Variants in ARMC9 observed in about 807,000 individuals in gnomAD.
The protein encoded by ARMC9 is lisH domain-containing protein ARMC9.
ARMC9 carries 94 observed loss-of-function variants against 107.0 expected under a neutral mutation model. The observed-to-expected ratio is 0.88, with a 90% CI of 0.74 to 1.04. ARMC9 has a LOEUF of 1.04. Among genes scored for constraint, ARMC9 ranks in the 50% least tolerant of loss-of-function variants. ARMC9 has a pLI of 0.00. For synonymous variants in ARMC9, 380 were observed against 396.9 expected, an observed-to-expected ratio of 0.96 and a Z score of 0.51; for missense variants, 942 against 1,030.1, an observed-to-expected ratio of 0.91 and a Z score of 1.17.
At chr2:231,324,351 C>T (rs1250104470) in intron 19 of ARMC9, among the ~76,000 whole-genome samples, 8 of 150,856 alleles carry the variant, frequency 5.3e-5, no homozygotes, top group Non-Finnish European at 1.0e-4. Context: ...TGGTCTTGAA[C>T]GCCTGACCTC....
chr2:231,290,881 A>T (rs943342803), intron 17 of ARMC9, among the ~76,000 whole-genome samples: 3 of 152,076 alleles, frequency 2.0e-5, no homozygotes, highest in Non-Finnish European at 4.4e-5. Context: ...ACAGGAAAAA[A>T]AAAACTAGCT....
At chr2:231,213,318 C>G (rs2033121139) in intron 3 of ARMC9, among the ~76,000 whole-genome samples, 1 of 151,810 alleles carries the variant, frequency 6.6e-6, no homozygotes, top group African/African-American at 2.4e-5. Flanking sequence ...CACATGTCAC[C>G]ACACCCAGCT....
At chr2:231,344,416 G>A (rs996567972) in intron 20 of ARMC9, among the ~76,000 whole-genome samples, 2 of 152,054 alleles carry the variant, frequency 1.3e-5, no homozygotes, top group African/African-American at 4.8e-5. Context: ...CTACTTACTA[G>A]TAATACTTTC....
chr2:231,376,525 C>T lies in ARMC9; in HGVS notation c.*4990C>T, dbSNP rs939880613. Among the ~76,000 whole-genome samples, 2 of 152,082 alleles carry T rather than the reference C, an allele frequency of 1.3e-5. No homozygotes were observed. The highest frequency in any genetic ancestry group is 4.8e-5 in the African/African-American group (2 of 41,402). ...AGGCTTATTAGGAGGAGGAAATTCC[C>T]GCCTAATAAATTTTGGTCAGACCGG... On this transcript the variant is annotated 3_prime_UTR_variant, in exon 25 of 25. Coordinates refer to ENST00000611582, the MANE Select transcript of ARMC9 (RefSeq NM_001352754.2).
In ARMC9 at chr2:231,297,304, A is replaced by G. The variant is rs2041443428; in HGVS notation, c.1773+1051A>G. On this transcript the variant is annotated intron_variant, in intron 19 of 24. Coordinates refer to ENST00000611582, the MANE Select transcript of ARMC9 (RefSeq NM_001352754.2). The surrounding 1 kb of genome is among the most constrained non-coding windows in gnomAD (Gnocchi z 4.2). ...CCTCCAGATAGGGGTCCTGGCCCCT[A>G]TCATCTTCTCCAGGCCCCTTTGTTT... Among the ~76,000 whole-genome samples the G allele has an allele frequency of 6.6e-6, 1 of 152,190 alleles. No individual in the cohort carries two copies. Among genetic ancestry groups the G allele is most frequent in the Non-Finnish European group, 1.5e-5 (1 of 68,018 alleles).
At chr2:231,326,097 A>G (rs2043300351) in intron 19 of ARMC9, among the ~76,000 whole-genome samples, 1 of 152,210 alleles carries the variant, frequency 6.6e-6, no homozygotes, top group South Asian at 2.1e-4. Context: ...GCCAGGCAGC[A>G]GGGACCCAAG....
At chr2:231,240,266 C>G in intron 9 of ARMC9, 1 of 544,284 alleles carries the variant, frequency 1.8e-6, no homozygotes, top group Non-Finnish European at 3.3e-6. Flanking sequence ...TTCTGCCTAC[C>G]AGTTGCAGCC....
Position 231,302,433 on chromosome 2 carries a change from G to GTTTTT in ARMC9, c.1773+6183_1773+6184insTTTTT, listed in dbSNP as rs1322418026. On this transcript the variant is annotated intron_variant, in intron 19 of 24. Transcript: ENST00000611582. Reference sequence around the variant, plus strand: ...TTTATGAAAAAGTGTAGCATTGTGGGTTTGTTTTTTTTTTTTTTTTTTTTT... The same window carrying GTTTTT: ...TTTATGAAAAAGTGTAGCATTGTGGGTTTTTTTTGTTTTTTTTTTTTTTTTTTTTT... 6.8e-4 allele frequency among the ~76,000 whole-genome samples: 66 copies of GTTTTT among 96,414 alleles called. 1 individual carries two copies. Among genetic ancestry groups the GTTTTT allele is most frequent in the Non-Finnish European group, 8.8e-4 (42 of 47,800 alleles). The allele number at this position is 96,414 out of a possible 152,430, so 63.3% of individuals were successfully genotyped here. A position where few individuals can be genotyped will look rare whatever the true frequency, so the allele number is the denominator to read the frequency against.
Position 231,345,004 on chromosome 2 carries a change from G to T in ARMC9, c.1908G>T (p.Arg636=), listed in dbSNP as rs1032895575. 2 of 1,613,932 alleles carry T rather than the reference G, an allele frequency of 1.2e-6. No homozygotes were observed. Among genetic ancestry groups the T allele is most frequent in the South Asian group, 1.1e-5 (1 of 91,074 alleles). The part of the protein sequence containing the change: ...GIMTNTGKTR[R]KGLANVQWSG... The stretch of plus-strand genomic sequence containing the variant: ...TGACCAACACGGGGAAGACAAGGCG[G>T]AAGGGGCTGGCTAATGTGCAGTGGA... Residue 636 remains arginine (R), a synonymous_variant, in exon 21 of 25, where the codon CGG becomes CGT. Coordinates refer to ENST00000611582, the MANE Select transcript of ARMC9 (RefSeq NM_001352754.2).
intron 9 of ARMC9, among the ~76,000 whole-genome samples, chr2:231,253,572 G>A (rs77638365): frequency 4.6e-4 from 70 of 152,254 alleles, no homozygotes; most frequent in African/African-American, 1.7e-3. Flanking sequence ...AAATGTTATG[G>A]ACCAGAGTTG....
At chr2:231,345,943 C>A (rs977352955) in intron 21 of ARMC9, among the ~76,000 whole-genome samples, 1 of 152,200 alleles carries the variant, frequency 6.6e-6, no homozygotes, top group Non-Finnish European at 1.5e-5. Context: ...AATGCCTGCC[C>A]TCATGGAGCT....
At position 231,280,574 on chromosome 2, in the gene ARMC9, A is replaced by G. The variant is rs985967290; in HGVS notation, c.1552-1485A>G. 3.3e-5 allele frequency among the ~76,000 whole-genome samples: 5 copies of G among 152,344 alleles called. No individual in the cohort carries two copies. The East Asian group carries it at 9.6e-4, about 29-fold the overall frequency. Reference sequence around the variant, plus strand: ...TTTAGAGCCAAGTAATATGTTTGCTACACTGTAGTAGTCATGATCTTGAAA... The same window carrying G: ...TTTAGAGCCAAGTAATATGTTTGCTGCACTGTAGTAGTCATGATCTTGAAA... On this transcript the variant is annotated intron_variant, in intron 16 of 24. Transcript: ENST00000611582.
intron 17 of ARMC9, among the ~76,000 whole-genome samples, chr2:231,290,873 A>G (rs1458044442): frequency 1.3e-5 from 2 of 151,878 alleles, no homozygotes; most frequent in African/African-American, 2.4e-5. Flanking sequence ...GGGAAAACAC[A>G]GGAAAAAAAA....
intron 1 of ARMC9, among the ~76,000 whole-genome samples, chr2:231,203,895 G>T (rs557684723): frequency 1.3e-5 from 2 of 152,312 alleles, no homozygotes; most frequent in Non-Finnish European, 2.9e-5. Context: ...CGGAGGTGGA[G>T]GTTGCAGTGA....
intron 21 of ARMC9, among the ~76,000 whole-genome samples, chr2:231,352,567 G>T (rs558533015): frequency 6.7e-6 from 1 of 149,778 alleles, no homozygotes; most frequent in Non-Finnish European, 1.5e-5. Flanking sequence ...CAAGTGATCC[G>T]CCCGCCTTGG....
intron 20 of ARMC9, among the ~76,000 whole-genome samples, chr2:231,334,973 C>G (rs2043988662): frequency 6.6e-6 from 1 of 152,134 alleles, no homozygotes; most frequent in Non-Finnish European, 1.5e-5. Flanking sequence ...GCCCCTTGTT[C>G]CGATGTACTG....
At chr2:231,318,948 C>T (rs967948832) in intron 19 of ARMC9, among the ~76,000 whole-genome samples, 2 of 152,050 alleles carry the variant, frequency 1.3e-5, no homozygotes, top group African/African-American at 4.8e-5. Context: ...ACCATGAGTG[C>T]TTTGAAGAGC....
At chr2:231,345,578 A>C (rs2044773299) in intron 21 of ARMC9, among the ~76,000 whole-genome samples, 1 of 152,116 alleles carries the variant, frequency 6.6e-6, no homozygotes, top group African/African-American at 2.4e-5. Context: ...CATTTATAGA[A>C]ATGAAATTTT....
intron 12 of ARMC9, chr2:231,270,610 C>G (rs2039240021): frequency 6.2e-6 from 3 of 480,290 alleles, no homozygotes; most frequent in Non-Finnish European, 1.3e-5. Context: ...TTTTAACAGT[C>G]CATTTATTGT....
Sources: gnomAD v4.1 joint callset for allele counts (sites outside exome capture counted in the v4.1 genomes callset) on GRCh38, gnomAD v4.1.1 for gene constraint, Gnocchi (gnomAD v3.1) non-coding constraint, MANE v1.5 for transcripts, NCBI Gene and HGNC (gene_info 2026-07-23, HGNC 2026-07-21) for gene names.